The following MPDZ variants were observed in gnomAD, a reference collection of about 807,000 sequenced individuals.
MPDZ encodes the protein multiple PDZ domain crumbs cell polarity complex component, also known as multiple PDZ domain protein.
In MPDZ, 234 loss-of-function variants were observed where a neutral mutation model predicts 239.1. The ratio of observed to expected loss-of-function variants is 0.98; its 90% CI spans 0.88 to 1.09. MPDZ has a LOEUF of 1.09. MPDZ is among the 50% of genes least tolerant of loss of function. The probability of loss-of-function intolerance (pLI) is 0.00; values close to 1 mark genes in which losing one functional copy is unlikely to be tolerated. For synonymous variants in MPDZ, 1,048 were observed against 881.3 expected (o/e 1.19, Z -3.35); for missense variants, 3,175 against 2,510.0 (o/e 1.26, Z -5.66).
At chr9:13,146,927 T>G (rs1188623695) in intron 26 of MPDZ, among the ~76,000 whole-genome samples, 1 of 152,076 alleles carries the variant, frequency 6.6e-6, no homozygotes, top group Non-Finnish European at 1.5e-5. Flanking sequence ...CTATTTTACC[T>G]GTGGTGACTG....
chr9:13,262,249 G>T (rs1015733822), intron 1 of MPDZ, among the ~76,000 whole-genome samples: 2 of 151,790 alleles, frequency 1.3e-5, no homozygotes, highest in African/African-American at 4.8e-5. Flanking sequence ...GATCGCTTGA[G>T]CCCAGTAGTT....
At chr9:13,278,131 T>C (rs1974658183) in intron 1 of MPDZ, among the ~76,000 whole-genome samples, 1 of 152,182 alleles carries the variant, frequency 6.6e-6, no homozygotes, top group African/African-American at 2.4e-5. Context: ...TCAAACTGTC[T>C]ACAAGGCAGG....
At chr9:13,243,405 A>G (rs1965879505) in intron 3 of MPDZ, among the ~76,000 whole-genome samples, 1 of 151,614 alleles carries the variant, frequency 6.6e-6, no homozygotes, top group African/African-American at 2.4e-5. Context: ...AAATTAAATG[A>G]CATACTCAAT....
intron 38 of MPDZ, 98 bp from the exon 39 acceptor site, chr9:13,119,747 T>A: frequency 7.1e-7 from 1 of 1,403,312 alleles, no homozygotes. Context: ...TTTTTACTTG[T>A]TTTTATGACT....
intron 2 of MPDZ, 74 bp from the exon 3 acceptor site, chr9:13,247,875 G>T: frequency 7.4e-7 from 1 of 1,346,176 alleles, no homozygotes; most frequent in Non-Finnish European, 1.0e-6. Flanking sequence ...ACTCCATCTT[G>T]TAGAAATTCT....
intron 1 of MPDZ, chr9:13,276,466 GGT>G (rs1030981658): frequency 2.0e-5 from 3 of 152,046 alleles, no homozygotes; most frequent in African/African-American, 4.8e-5. Context: ...ATAAATATGG[GGT>G]TGATAATGTA....
chr9:13,249,616 T>C (rs1276694962), intron 2 of MPDZ, among the ~76,000 whole-genome samples: 1 of 152,086 alleles, frequency 6.6e-6, no homozygotes, highest in African/African-American at 2.4e-5. Context: ...CAGAGTGAAA[T>C]CCAAACACTT....
intron 1 of MPDZ, among the ~76,000 whole-genome samples, chr9:13,251,305 A>T (rs1487309014): frequency 6.6e-6 from 1 of 152,036 alleles, no homozygotes; most frequent in Non-Finnish European, 1.5e-5. Context: ...CCTGACTATA[A>T]TGTTCTCCTC....
At chr9:13,242,600 C>T (rs969758834) in intron 3 of MPDZ, among the ~76,000 whole-genome samples, 2 of 151,130 alleles carry the variant, frequency 1.3e-5, no homozygotes, top group Non-Finnish European at 3.0e-5. Flanking sequence ...AAAGTTAATA[C>T]AATATCCAAA....
intron 15 of MPDZ, among the ~76,000 whole-genome samples, chr9:13,191,339 C>T (rs955438047): frequency 6.6e-6 from 1 of 152,056 alleles, no homozygotes; most frequent in Non-Finnish European, 1.5e-5. Context: ...AAATCAAATC[C>T]TAACATCATC....
chr9:13,215,624 A>C (rs984556476), intron 10 of MPDZ, among the ~76,000 whole-genome samples: 4 of 151,702 alleles, frequency 2.6e-5, no homozygotes, highest in African/African-American at 9.7e-5. Flanking sequence ...ACCTAATAAG[A>C]TAAATCAGCA....
intron 12 of MPDZ, among the ~76,000 whole-genome samples, chr9:13,204,674 A>G (rs1956793701): frequency 1.3e-5 from 2 of 152,130 alleles, no homozygotes; most frequent in Admixed American, 6.6e-5. Context: ...ATACTTTATA[A>G]TTTTATTACT....
At chr9:13,266,082 T>C (rs1235111399) in intron 1 of MPDZ, among the ~76,000 whole-genome samples, 1 of 152,210 alleles carries the variant, frequency 6.6e-6, no homozygotes, top group East Asian at 1.9e-4. Flanking sequence ...GTGTTGTATA[T>C]TGCATAAACT....
intron 3 of MPDZ, among the ~76,000 whole-genome samples, chr9:13,239,311 T>A (rs895978889): frequency 1.2e-4 from 18 of 152,154 alleles, no homozygotes; most frequent in African/African-American, 4.3e-4. Context: ...ATGATTAAGA[T>A]CTAGGCTCTG....
Position 13,223,659 on chromosome 9 carries a change from C to G in MPDZ, c.445G>C (p.Gly149Arg), listed in dbSNP as rs1959537295. 6.2e-7 allele frequency: 1 copy of G among 1,611,844 alleles called. No homozygotes were observed. The highest frequency in any genetic ancestry group is 8.5e-7 in the Non-Finnish European group (1 of 1,178,814). Residue 149 changes from glycine to arginine, a missense_variant, in exon 5 of 47, where the codon GGG becomes CGG. Gly to Arg is a moderately radical substitution (Grantham distance 125, BLOSUM62 -2). Coordinates refer to ENST00000319217, the MANE Select transcript of MPDZ (RefSeq NM_001378778.1). Reference protein sequence around the residue: ...ELLKPPSGGLGFSVVGLRSEN... With the variant: ...ELLKPPSGGLRFSVVGLRSEN... ...CTTCTTAGTCCCACAACACTAAACC[C>G]AAGGCCTCCAGATGGAGGTTTGAGG...
chr9:13,274,256 A>ATT (rs200894616), intron 1 of MPDZ, among the ~76,000 whole-genome samples: 1 of 147,144 alleles, frequency 6.8e-6, no homozygotes. Flanking sequence ...TTTTTTCTTA[A>ATT]TTTTTTTTTT....
intron 1 of MPDZ, among the ~76,000 whole-genome samples, chr9:13,277,817 G>C (rs10960996): frequency 0.057 from 8,607 of 152,148 alleles, 553 homozygotes; most frequent in East Asian, 0.19. Context: ...CACCCACCTC[G>C]GTCTCCCAAA....
intron 21 of MPDZ, among the ~76,000 whole-genome samples, chr9:13,168,946 G>A (rs1000719983): frequency 1.4e-4 from 21 of 152,160 alleles, no homozygotes; most frequent in Non-Finnish European, 2.4e-4. Flanking sequence ...GACTACAAAA[G>A]GAAAATTCAT....
chr9:13,125,345 TG>T lies in MPDZ; in HGVS notation c.4677del (p.Ile1560SerfsTer29). On this transcript the variant is annotated frameshift_variant, in exon 35 of 47. Transcript: ENST00000319217. LOFTEE classifies it high-confidence loss of function. The stretch of plus-strand genomic sequence containing the variant: ...TGGGAATCTGGATTCTCAGCATGGA[TG>T]GTAAGTTTTACTGTCATCTTTGCTG... ...LKTAKMTVKL[T>X]IHAENPDSQA... The T allele has an allele frequency of 6.2e-7, 1 of 1,613,854 alleles. No individual in the cohort carries two copies. The highest frequency in any genetic ancestry group is 8.5e-7 in the Non-Finnish European group (1 of 1,179,744).
Sources: gnomAD v4.1 joint callset for allele counts (sites outside exome capture counted in the v4.1 genomes callset) on GRCh38, gnomAD v4.1.1 for gene constraint, MANE v1.5 for transcripts, NCBI Gene and HGNC (gene_info 2026-07-23, HGNC 2026-07-21) for gene names.